The following MRC1 variants were observed in gnomAD, a reference collection of about 807,000 sequenced individuals.
MRC1 encodes mannose receptor C-type 1.
MRC1 carries 62 observed loss-of-function variants against 102.9 expected under a neutral mutation model. The ratio of observed to expected loss-of-function variants is 0.60; its 90% CI spans 0.49 to 0.74. The LOEUF (loss-of-function observed/expected upper bound fraction) is 0.74, where lower values mean the gene tolerates loss of function less well. Among genes scored for constraint, MRC1 ranks in the 30% least tolerant of loss-of-function variants. MRC1 has a pLI of 0.00. For missense variants in MRC1, 1,237 were observed against 862.8 expected (o/e 1.43, Z -5.43); for synonymous variants, 457 against 298.4 (o/e 1.53, Z -5.48).
chr10:17,876,159 G>T (rs1442013229), intron 17 of MRC1, among the ~76,000 whole-genome samples: 2 of 152,032 alleles, frequency 1.3e-5, no homozygotes, highest in Non-Finnish European at 2.9e-5. Context: ...TCAAGGTAAA[G>T]ATGGGAATGC....
At chr10:17,893,246 C>G (rs1833706630) in intron 22 of MRC1, among the ~76,000 whole-genome samples, 1 of 150,108 alleles carries the variant, frequency 6.7e-6, no homozygotes, top group African/African-American at 2.4e-5. Flanking sequence ...GCCTCAACCT[C>G]CCAGGCTCAA....
rs1833501710 is a variant in MRC1, at chr10:17,880,697, G to A, written c.2865+27G>A. The A allele has an allele frequency of 5.1e-6, 4 of 780,648 alleles. No individual in the cohort carries two copies. The African/African-American group carries it at 6.8e-5, about 13-fold the overall frequency. The allele number at this position is 780,648 out of a possible 1,614,324, so 48.4% of individuals were successfully genotyped here. The stretch of plus-strand genomic sequence containing the variant: ...TACTAGGAAAATTAGTTGCAATCTT[G>A]GCACTGATCAGTATGGAGAGTGATG... On this transcript the variant is annotated intron_variant, in intron 20 of 29. Coordinates refer to ENST00000569591, the MANE Select transcript of MRC1 (RefSeq NM_002438.4).
intron 23 of MRC1, among the ~76,000 whole-genome samples, chr10:17,895,462 T>C (rs1419248491): frequency 6.6e-6 from 1 of 152,094 alleles, no homozygotes; most frequent in African/African-American, 2.4e-5. Context: ...CTTTTTTAAA[T>C]GTCAGAATAG....
At chr10:17,817,617 G>A (rs1838332720) in intron 1 of MRC1, among the ~76,000 whole-genome samples, 1 of 152,096 alleles carries the variant, frequency 6.6e-6, no homozygotes, top group Non-Finnish European at 1.5e-5. Flanking sequence ...GATGGAAGGA[G>A]AATCACTGCA....
At chr10:17,843,738 TA>T (rs1243917796) in intron 5 of MRC1, among the ~76,000 whole-genome samples, 9 of 152,248 alleles carry the variant, frequency 5.9e-5, no homozygotes, top group Non-Finnish European at 8.8e-5. Context: ...AAATAAACTT[TA>T]AAAAAATCAT....
intron 24 of MRC1, among the ~76,000 whole-genome samples, chr10:17,900,113 A>G (rs782131333): frequency 0.14 from 20,786 of 150,486 alleles, 1,967 homozygotes; most frequent in Non-Finnish European, 0.21. Context: ...AAAAAAAAAA[A>G]AAAGAAAGAA....
chr10:17,850,826 A>G (rs1838903714), intron 7 of MRC1, among the ~76,000 whole-genome samples: 1 of 152,206 alleles, frequency 6.6e-6, no homozygotes, highest in Non-Finnish European at 1.5e-5. Context: ...GAGTAGTAGC[A>G]GAAAAAGACT....
intron 3 of MRC1, among the ~76,000 whole-genome samples, 155 bp from the exon 4 acceptor site, chr10:17,833,520 C>CA (rs34179956): frequency 0.39 from 41,142 of 106,250 alleles, 7,349 homozygotes; most frequent in African/African-American, 0.47. Context: ...GACTCTGTCT[C>CA]AAAAAAAAAA....
intron 4 of MRC1, among the ~76,000 whole-genome samples, chr10:17,840,124 T>C: frequency 6.7e-6 from 1 of 148,310 alleles, no homozygotes; most frequent in African/African-American, 2.6e-5. Flanking sequence ...GCTGAAGAGC[T>C]GAGGTCCGTG....
At chr10:17,867,670 A>T (rs927755700) in intron 12 of MRC1, among the ~76,000 whole-genome samples, 1 of 152,056 alleles carries the variant, frequency 6.6e-6, no homozygotes, top group Admixed American at 6.6e-5. Flanking sequence ...TGATCCTCCC[A>T]CATAGACTCC....
intron 9 of MRC1, among the ~76,000 whole-genome samples, chr10:17,858,573 C>T (rs1007725360): frequency 5.9e-5 from 9 of 152,136 alleles, no homozygotes; most frequent in East Asian, 1.9e-4. Context: ...CTGCAACCTC[C>T]GCCTCCCGGG....
intron 23 of MRC1, among the ~76,000 whole-genome samples, chr10:17,897,750 G>T (rs1295462066): frequency 6.6e-6 from 1 of 152,170 alleles, no homozygotes; most frequent in Non-Finnish European, 1.5e-5. Flanking sequence ...TACCAGATTG[G>T]ATTGAATTTG....
Position 17,877,889 on chromosome 10 carries a change from C to A in MRC1, c.2551-11C>A. The A allele has an allele frequency of 1.1e-6, 1 of 872,088 alleles. No individual in the cohort carries two copies. The highest frequency in any genetic ancestry group is 2.0e-6 in the Non-Finnish European group (1 of 501,208). The allele number at this position is 872,088 out of a possible 1,614,324, so 54.0% of individuals were successfully genotyped here. A position where few individuals can be genotyped will look rare whatever the true frequency, so the allele number is the denominator to read the frequency against. On this transcript the variant is annotated splice_polypyrimidine_tract_variant and intron_variant, in intron 17 of 29. Coordinates refer to ENST00000569591, the MANE Select transcript of MRC1 (RefSeq NM_002438.4). ...TCTAAATTAAACTATACGTAAACTT[C>A]CATGTTTCAGGTAAACAGAAATGAT...
At chr10:17,901,468 C>T (rs1339604593) in intron 25 of MRC1, among the ~76,000 whole-genome samples, 2 of 152,178 alleles carry the variant, frequency 1.3e-5, no homozygotes, top group Non-Finnish European at 1.5e-5. Flanking sequence ...GCGGGCAGAT[C>T]ACCTGAGGTC....
chr10:17,813,784 A>C (rs1838264515), intron 1 of MRC1, among the ~76,000 whole-genome samples: 1 of 149,190 alleles, frequency 6.7e-6, no homozygotes, highest in African/African-American at 2.5e-5. Flanking sequence ...TGTAGCCTTG[A>C]CTTCCCGGGG....
rs1838854666 is a variant in MRC1 at position 17,848,157 on chromosome 10, A to C, written c.1064-1422A>C. Reference sequence around the variant, plus strand: ...AATTCATCAAAGGAATAGTGAAGAAAGGTACCCTATAACGAACATATACTA... The same window carrying C: ...AATTCATCAAAGGAATAGTGAAGAACGGTACCCTATAACGAACATATACTA... On this transcript the variant is annotated intron_variant, in intron 6 of 29. Transcript: ENST00000569591. Among the ~76,000 whole-genome samples the C allele has an allele frequency of 4.6e-5, 7 of 152,294 alleles. 1 individual carries two copies. In the South Asian group the frequency reaches 1.4e-3, roughly 32 times the overall value.
At chr10:17,893,354 C>A (rs901287488) in intron 22 of MRC1, among the ~76,000 whole-genome samples, 3 of 151,854 alleles carry the variant, frequency 2.0e-5, no homozygotes, top group African/African-American at 2.4e-5. Context: ...TTGAGGTCTC[C>A]CTATGTTGCC....
intron 1 of MRC1, among the ~76,000 whole-genome samples, chr10:17,811,124 G>A (rs1188705410): frequency 3.3e-5 from 5 of 152,178 alleles, no homozygotes; most frequent in African/African-American, 7.2e-5. Context: ...ATTTCACCCA[G>A]TAACTCGGAA....
At chr10:17,832,747 C>T (rs1250785647) in intron 3 of MRC1, among the ~76,000 whole-genome samples, 5 of 150,916 alleles carry the variant, frequency 3.3e-5, no homozygotes, top group Non-Finnish European at 7.4e-5. Context: ...GCCACCACGC[C>T]CGGCTAATTT....
Sources: gnomAD v4.1 joint callset for allele counts (sites outside exome capture counted in the v4.1 genomes callset) on GRCh38, gnomAD v4.1.1 for gene constraint, MANE v1.5 for transcripts, NCBI Gene and HGNC (gene_info 2026-07-23, HGNC 2026-07-21) for gene names.